The following POFUT3 variants were observed in gnomAD, a reference collection of about 807,000 sequenced individuals.
The protein encoded by POFUT3 is GDP-fucose protein O-fucosyltransferase 3.
chr8:33,348,125 C>A, the POFUT3 span, among the ~76,000 whole-genome samples: 4 of 150,572 alleles, frequency 2.7e-5, no homozygotes, highest in East Asian at 7.8e-4. Flanking sequence ...TTGCAGTGAG[C>A]CGAGATCTGC....
chr8:33,472,249 C>T, the POFUT3 span, among the ~76,000 whole-genome samples: 2,287 of 152,324 alleles, frequency 0.015, 69 homozygotes, highest in African/African-American at 0.052. Flanking sequence ...GCACAAAACA[C>T]TCTAACCAAC....
chr8:33,330,393 G>A, the POFUT3 span, among the ~76,000 whole-genome samples: 1 of 152,068 alleles, frequency 6.6e-6, no homozygotes, highest in Admixed American at 6.6e-5. Flanking sequence ...GCAGTGAGCC[G>A]AGATCATGCC....
chr8:33,451,535 CATATGT>C, the POFUT3 span, among the ~76,000 whole-genome samples: 1 of 150,824 alleles, frequency 6.6e-6, no homozygotes, highest in African/African-American at 2.4e-5. Context: ...TATGCATATG[CATATGT>C]ATGCATAAAT....
chr8:33,459,725 A>G, the POFUT3 span, among the ~76,000 whole-genome samples: 1 of 151,930 alleles, frequency 6.6e-6, no homozygotes, highest in Non-Finnish European at 1.5e-5. Context: ...GCTGATATCT[A>G]TACTTTTACT....
At chr8:33,320,630 T>A in the POFUT3 span, among the ~76,000 whole-genome samples, 2,373 of 152,230 alleles carry the variant, frequency 0.016, 60 homozygotes, top group African/African-American at 0.054. Flanking sequence ...GAGCTGTGAC[T>A]ATCTGAAGCT....
At chr8:33,433,085 T>G in the POFUT3 span, among the ~76,000 whole-genome samples, 2 of 151,004 alleles carry the variant, frequency 1.3e-5, no homozygotes, top group Non-Finnish European at 3.0e-5. Flanking sequence ...AATACAAAAA[T>G]TAGCCGGGCA....
At chr8:33,327,426 A>G in the POFUT3 span, among the ~76,000 whole-genome samples, 3 of 152,108 alleles carry the variant, frequency 2.0e-5, no homozygotes, top group Admixed American at 6.5e-5. Flanking sequence ...TTCATTTGCT[A>G]TCTCCATTTC....
At chr8:33,349,940 C>T in the POFUT3 span, among the ~76,000 whole-genome samples, 1 of 152,128 alleles carries the variant, frequency 6.6e-6, no homozygotes, top group Non-Finnish European at 1.5e-5. Flanking sequence ...CCCCCATTAA[C>T]ATCTAATTTT....
At chr8:33,329,289 C>G in the POFUT3 span, among the ~76,000 whole-genome samples, 1 of 152,142 alleles carries the variant, frequency 6.6e-6, no homozygotes, top group Non-Finnish European at 1.5e-5. Flanking sequence ...GCATACTTAT[C>G]TATGGGAAAA....
At chr8:33,401,992 C>T in the POFUT3 span, among the ~76,000 whole-genome samples, 2 of 152,058 alleles carry the variant, frequency 1.3e-5, no homozygotes, top group African/African-American at 4.8e-5. Context: ...CGCCACCGCA[C>T]TCCAGCCTGG....
chr8:33,362,079 A>C, the POFUT3 span, among the ~76,000 whole-genome samples: 1 of 152,168 alleles, frequency 6.6e-6, no homozygotes, highest in Non-Finnish European at 1.5e-5. Flanking sequence ...ATCGGCAGAA[A>C]CCCTACAAGC....
At chr8:33,412,102 T>C in the POFUT3 span, among the ~76,000 whole-genome samples, 4 of 152,166 alleles carry the variant, frequency 2.6e-5, no homozygotes, top group Non-Finnish European at 5.9e-5. Context: ...ATAACAAGGC[T>C]GTGTATTTAC....
At chr8:33,420,617 G>T in the POFUT3 span, among the ~76,000 whole-genome samples, 97 of 152,158 alleles carry the variant, frequency 6.4e-4, no homozygotes, top group Admixed American at 2.8e-3. Flanking sequence ...GATTTGGGGG[G>T]AGCAGAAAAA....
At chr8:33,440,752 T>C in the POFUT3 span, among the ~76,000 whole-genome samples, 1 of 152,240 alleles carries the variant, frequency 6.6e-6, no homozygotes, top group African/African-American at 2.4e-5. Context: ...ACTTGACTTT[T>C]GTCTTCATTT....
At chr8:33,363,375 C>G in the POFUT3 span, among the ~76,000 whole-genome samples, 1 of 152,026 alleles carries the variant, frequency 6.6e-6, no homozygotes, top group Non-Finnish European at 1.5e-5. Context: ...GAAGCAAGAG[C>G]AAACAAATTC....
At chr8:33,385,820 T>C in the POFUT3 span, among the ~76,000 whole-genome samples, 1 of 150,192 alleles carries the variant, frequency 6.7e-6, no homozygotes, top group Non-Finnish European at 1.5e-5. Flanking sequence ...AAGAGGAAAA[T>C]AAAAAATGAA....
At chr8:33,435,934 G>T in the POFUT3 span, among the ~76,000 whole-genome samples, 2 of 151,664 alleles carry the variant, frequency 1.3e-5, no homozygotes, top group African/African-American at 2.4e-5. Flanking sequence ...ACCAAAAAAA[G>T]ACCCAGGGGC....
the POFUT3 span, among the ~76,000 whole-genome samples, chr8:33,359,593 A>G: frequency 6.6e-6 from 1 of 152,200 alleles, no homozygotes; most frequent in African/African-American, 2.4e-5. Flanking sequence ...AAAAGAAACT[A>G]TTGGCAAATC....
chr8:33,417,387 C>T, the POFUT3 span, among the ~76,000 whole-genome samples: 1 of 151,998 alleles, frequency 6.6e-6, no homozygotes, highest in Non-Finnish European at 1.5e-5. Context: ...TGAATCATCC[C>T]GAAACCATCT....
Sources: allele counts gnomAD v4.1 joint callset (sites outside exome capture counted in the v4.1 genomes callset), GRCh38; gene constraint gnomAD v4.1.1; transcripts MANE v1.5; gene names NCBI Gene and HGNC (gene_info 2026-07-23, HGNC 2026-07-21).